Variants in EDA observed in about 807,000 individuals in gnomAD.
The protein encoded by EDA is ectodysplasin-A.
EDA carries 2 observed loss-of-function variants against 23.6 expected under a neutral mutation model. The observed-to-expected ratio is 0.08, with a 90% CI of 0.03 to 0.27. The LOEUF (loss-of-function observed/expected upper bound fraction) is 0.27, where lower values mean the gene tolerates loss of function less well. Ranked by LOEUF, EDA falls within the 10% of genes least tolerant of loss-of-function variation. The pLI, the probability that EDA is intolerant of heterozygous loss-of-function variation, is 1.00. For synonymous variants in EDA, 131 were observed against 132.0 expected, an observed-to-expected ratio of 0.99 and a Z score of 0.05; for missense variants, 229 against 324.2, an observed-to-expected ratio of 0.71 and a Z score of 2.26.
chrX:69,918,890 C>G (rs778881516), intron 1 of EDA, among the ~76,000 whole-genome samples: 54 of 111,291 alleles, frequency 4.9e-4, no homozygotes, highest in Non-Finnish European at 9.8e-4. Flanking sequence ...TGAGAAATGG[C>G]CACTGATGAT....
chrX:69,933,891 G>A (rs937940867), intron 1 of EDA, among the ~76,000 whole-genome samples: 1 of 112,207 alleles, frequency 8.9e-6, no homozygotes, highest in Admixed American at 9.4e-5. Context: ...TTATAGGTTT[G>A]AAATAATTTT....
intron 1 of EDA, among the ~76,000 whole-genome samples, chrX:69,738,059 G>A (rs2013328077): frequency 9.0e-6 from 1 of 111,301 alleles, no homozygotes; most frequent in Non-Finnish European, 1.9e-5. Context: ...CACTGTGTTT[G>A]TCTTGTTTGA....
intron 1 of EDA, among the ~76,000 whole-genome samples, chrX:69,868,539 C>G (rs2017519372): frequency 8.9e-6 from 1 of 112,158 alleles, no homozygotes; most frequent in Non-Finnish European, 1.9e-5. Context: ...AAATGTCTCA[C>G]CAGTAAGTCC....
intron 1 of EDA, among the ~76,000 whole-genome samples, chrX:69,746,013 G>A (rs1377966670): frequency 9.0e-6 from 1 of 110,654 alleles, no homozygotes; most frequent in Non-Finnish European, 1.9e-5. Context: ...AGAAAATTAA[G>A]ATCTTCCACT....
At chrX:69,778,485 T>C (rs1602395261) in intron 1 of EDA, among the ~76,000 whole-genome samples, 2 of 112,008 alleles carry the variant, frequency 1.8e-5, no homozygotes, top group East Asian at 5.6e-4. Flanking sequence ...CATAAGCTAT[T>C]TGGACAGTTC....
chrX:69,810,013 G>A (rs1457334662), intron 1 of EDA, among the ~76,000 whole-genome samples: 1 of 109,385 alleles, frequency 9.1e-6, no homozygotes, highest in African/African-American at 3.3e-5. Context: ...TGTAATCCCA[G>A]CACTTTGGGG....
intron 1 of EDA, among the ~76,000 whole-genome samples, chrX:69,862,641 C>A (rs901682919): frequency 1.7e-4 from 19 of 110,843 alleles, no homozygotes; most frequent in Admixed American, 4.9e-4. Flanking sequence ...GAATCAGGAT[C>A]TCTCTATGTT....
At chrX:69,708,631 T>A (rs899100589) in intron 1 of EDA, among the ~76,000 whole-genome samples, 1 of 111,295 alleles carries the variant, frequency 9.0e-6, no homozygotes, top group Non-Finnish European at 1.9e-5. Context: ...TAATTTGGTA[T>A]TATTGTTCTT....
In EDA at chrX:69,652,726, A is replaced by G. The variant is rs780049581; in HGVS notation, c.396+36022A>G. Among the ~76,000 whole-genome samples the G allele has an allele frequency of 6.2e-5, 7 of 112,343 alleles. No homozygotes were observed. The South Asian group carries it at 2.6e-3, about 41-fold the overall frequency. ...TATCTTGTTGAGTTACTGCCAGTCCATAAATATCTTAAGAAATAAAAAAGA... is the reference window on the plus strand; with the variant it reads ...TATCTTGTTGAGTTACTGCCAGTCCGTAAATATCTTAAGAAATAAAAAAGA... On this transcript the variant is annotated intron_variant, in intron 1 of 7. Coordinates refer to ENST00000374552, the MANE Select transcript of EDA (RefSeq NM_001399.5).
chrX:69,703,694 T>C (rs184124326), intron 1 of EDA, among the ~76,000 whole-genome samples: 171 of 111,666 alleles, frequency 1.5e-3, no homozygotes, highest in African/African-American at 5.4e-3. Flanking sequence ...ACGTGTCTTC[T>C]GGCCAGCTCT....
chrX:69,805,147 A>G (rs1418494915), intron 1 of EDA, among the ~76,000 whole-genome samples: 1 of 111,284 alleles, frequency 9.0e-6, no homozygotes, highest in Non-Finnish European at 1.9e-5. Context: ...AACTTACTTA[A>G]TGTCAATTAT....
intron 1 of EDA, among the ~76,000 whole-genome samples, chrX:69,823,237 G>C: frequency 1.3e-5 from 1 of 75,451 alleles, no homozygotes; most frequent in South Asian, 7.7e-4. Context: ...GGGTCAAATG[G>C]TATTTCTAGT....
intron 2 of EDA, among the ~76,000 whole-genome samples, chrX:69,977,950 T>A (rs1184625479): frequency 9.0e-6 from 1 of 110,755 alleles, no homozygotes; most frequent in African/African-American, 3.3e-5. Flanking sequence ...TCAGAAAGTG[T>A]TTTGTAAACT....
intron 1 of EDA, among the ~76,000 whole-genome samples, chrX:69,904,251 A>G (rs1226631364): frequency 8.9e-6 from 1 of 112,246 alleles, no homozygotes; most frequent in Non-Finnish European, 1.9e-5. Flanking sequence ...AATATACAAG[A>G]ATTATTGTTA....
chrX:69,647,712 G>C (rs965677858), intron 1 of EDA, among the ~76,000 whole-genome samples: 2 of 111,976 alleles, frequency 1.8e-5, no homozygotes, highest in African/African-American at 6.5e-5. Context: ...CTCAGCCTCA[G>C]CCCAGTTCTG....
At chrX:69,659,112 A>G (rs1933407564) in intron 1 of EDA, among the ~76,000 whole-genome samples, 1 of 112,041 alleles carries the variant, frequency 8.9e-6, no homozygotes, top group Admixed American at 9.5e-5. Context: ...TCTAGTCTAA[A>G]TATTAGTGTG....
chrX:69,773,781 G>A (rs1261110075), intron 1 of EDA, among the ~76,000 whole-genome samples: 2 of 111,246 alleles, frequency 1.8e-5, no homozygotes, highest in Non-Finnish European at 3.8e-5. Context: ...TAAGAATTCT[G>A]TATATATTCT....
chrX:69,749,922 C>CTT lies in EDA; in HGVS notation c.396+133244_396+133245dup, dbSNP rs1569317439. Among the ~76,000 whole-genome samples, 15 of 33,251 alleles carry CTT rather than the reference C, an allele frequency of 4.5e-4. 4 individuals carry two copies. The highest frequency in any genetic ancestry group is 1.7e-3 in the Admixed American group (5 of 3,004). 28.9% of individuals were successfully genotyped at this position (33,251 alleles called of 115,157 possible). ...TTAGAAACTTCCTCTCACTAAGGTT[C>CTT]TTTTTTTTTTTTTTTTTTTTTTTTT... On this transcript the variant is annotated intron_variant, in intron 1 of 7. Transcript: ENST00000374552.
intron 1 of EDA, among the ~76,000 whole-genome samples, chrX:69,927,997 A>G (rs1022461304): frequency 8.9e-6 from 1 of 111,781 alleles, no homozygotes; most frequent in South Asian, 3.7e-4. Context: ...TTAATTGAAC[A>G]TCTACAATGC....
Sources: allele counts gnomAD v4.1 joint callset (sites outside exome capture counted in the v4.1 genomes callset), GRCh38; gene constraint gnomAD v4.1.1; transcripts MANE v1.5; gene names NCBI Gene and HGNC (gene_info 2026-07-23, HGNC 2026-07-21).